Variants in ZFP90 observed in about 807,000 individuals in gnomAD.
The protein encoded by ZFP90 is zinc finger protein 90 homolog.
ZFP90 carries 38 observed loss-of-function variants against 60.8 expected under a neutral mutation model. That is an observed-to-expected ratio of 0.62 (90% confidence interval 0.48 to 0.82). The LOEUF is 0.82. ZFP90 is among the 40% of genes least tolerant of loss of function. The probability of loss-of-function intolerance (pLI) is 0.00; values close to 1 mark genes in which losing one functional copy is unlikely to be tolerated. For synonymous variants in ZFP90, 287 were observed against 264.8 expected, an observed-to-expected ratio of 1.08 and a Z score of -0.82; for missense variants, 711 against 759.1, an observed-to-expected ratio of 0.94 and a Z score of 0.74.
chr16:68,553,661 C>T (rs534640111), intron 2 of ZFP90, among the ~76,000 whole-genome samples: 188 of 152,258 alleles, frequency 1.2e-3, no homozygotes, highest in African/African-American at 4.4e-3. Flanking sequence ...CACTGTCACC[C>T]GGGCTAGAAT....
chr16:68,540,324 AAACAAAATAAAAAAC>A (rs1567392620), intron 2 of ZFP90, among the ~76,000 whole-genome samples: 1 of 152,112 alleles, frequency 6.6e-6, no homozygotes, highest in African/African-American at 2.4e-5. Context: ...GGCAAAAACA[AAACAAAATAAAAAAC>A]AACCAAAAAT....
rs368087822 is a variant in ZFP90, at chr16:68,564,731, T to G, written c.*33T>G. On this transcript the variant is annotated 3_prime_UTR_variant, in exon 5 of 5. Coordinates refer to ENST00000563169, the MANE Select transcript of ZFP90 (RefSeq NM_001305203.2). Reference sequence around the variant, plus strand: ...GAAATTAAGGAATTTGCAGAATGCTTTAGCTAAAATGTTCTGATTCAGGAT... The same window carrying G: ...GAAATTAAGGAATTTGCAGAATGCTGTAGCTAAAATGTTCTGATTCAGGAT... 1.3e-6 allele frequency: 2 copies of G among 1,562,720 alleles called. No individual in the cohort carries two copies. The highest frequency in any genetic ancestry group is 2.0e-5 in the Admixed American group (1 of 49,718).
intron 2 of ZFP90, among the ~76,000 whole-genome samples, chr16:68,551,415 CTTTTTTTTTT>C (rs10538200): frequency 5.7e-5 from 7 of 123,024 alleles, no homozygotes; most frequent in Admixed American, 1.8e-4. Context: ...ACATGTGATC[CTTTTTTTTTT>C]TTTTTTTTTT....
At chr16:68,552,833 A>T (rs531212239) in intron 2 of ZFP90, among the ~76,000 whole-genome samples, 16 of 152,262 alleles carry the variant, frequency 1.1e-4, no homozygotes, top group African/African-American at 3.9e-4. Flanking sequence ...ACACAGGAGA[A>T]CTGCTTGAGC....
intron 2 of ZFP90, among the ~76,000 whole-genome samples, chr16:68,553,052 A>T (rs780362321): frequency 1.3e-5 from 2 of 152,182 alleles, no homozygotes; most frequent in Non-Finnish European, 2.9e-5. Flanking sequence ...ACCTTGTCTC[A>T]AAAGAAAAAT....
Position 68,564,829 on chromosome 16 carries a change from G to T in ZFP90, c.*131G>T, listed in dbSNP as rs2152075553. On this transcript the variant is annotated 3_prime_UTR_variant, in exon 5 of 5. Transcript: ENST00000563169. ...TTATACGTTGTGTGTGGAGAAAACT[G>T]CCAGTAGACAGATTTTTTTTTTTTA... is the stretch of plus-strand genomic sequence containing the variant. 5 of 1,373,058 alleles carry T rather than the reference G, an allele frequency of 3.6e-6. No homozygotes were observed. In the South Asian group the frequency reaches 5.3e-5, roughly 15 times the overall value. The allele number at this position is 1,373,058 out of a possible 1,614,324, so 85.1% of individuals were successfully genotyped here.
Position 68,565,669 on chromosome 16 carries a change from G to T in ZFP90, c.*971G>T. On this transcript the variant is annotated 3_prime_UTR_variant, in exon 5 of 5. Coordinates refer to ENST00000563169, the MANE Select transcript of ZFP90 (RefSeq NM_001305203.2). Reference sequence around the variant, plus strand: ...GCACTTTCTTAAGCCTACAGTATCAGATCAATGGGAAAACAACAGAAAACT... The same window carrying T: ...GCACTTTCTTAAGCCTACAGTATCATATCAATGGGAAAACAACAGAAAACT... 1 of 985,498 alleles carries T rather than the reference G, an allele frequency of 1.0e-6. No individual in the cohort carries two copies. Among genetic ancestry groups the T allele is most frequent in the Non-Finnish European group, 1.2e-6 (1 of 829,920 alleles). The allele number at this position is 985,498 out of a possible 1,614,324, so 61.0% of individuals were successfully genotyped here.
At chr16:68,555,213 T>C (rs948209162) in intron 2 of ZFP90, 1 of 152,256 alleles carries the variant, frequency 6.6e-6, no homozygotes, top group African/African-American at 2.4e-5. Flanking sequence ...AATAACGCTT[T>C]TAAAATAAAC....
intron 4 of ZFP90, among the ~76,000 whole-genome samples, chr16:68,559,380 A>G (rs894755991): frequency 2.6e-5 from 4 of 151,988 alleles, no homozygotes; most frequent in Non-Finnish European, 4.4e-5. Flanking sequence ...TACCTTGCCT[A>G]TTTCTCATTT....
chr16:68,566,638 T>C lies in ZFP90; in HGVS notation c.*1940T>C. 2.0e-6 allele frequency: 2 copies of C among 985,612 alleles called. No homozygotes were observed. Among genetic ancestry groups the C allele is most frequent in the Non-Finnish European group, 2.4e-6 (2 of 829,946 alleles). 61.1% of individuals were successfully genotyped at this position (985,612 alleles called of 1,614,324 possible). ...CTGACCATCCAAAACACCTTGTTTA[T>C]GGTGCACCATGATTAGCTCACACAC... On this transcript the variant is annotated 3_prime_UTR_variant, in exon 5 of 5. Transcript: ENST00000563169.
chr16:68,543,637 C>T (rs570961539), intron 2 of ZFP90, among the ~76,000 whole-genome samples: 24 of 151,808 alleles, frequency 1.6e-4, no homozygotes, highest in Admixed American at 1.1e-3. Flanking sequence ...CTTGGCTCAC[C>T]GCAACCTCTG....
Position 68,574,753 on chromosome 16 carries a change from T to A in ZFP90, c.224-1038T>A, listed in dbSNP as rs143659571. Among the ~76,000 whole-genome samples, 12 of 151,874 alleles carry A rather than the reference T, an allele frequency of 7.9e-5. No homozygotes were observed. The East Asian group carries it at 2.3e-3, about 29-fold the overall frequency. ...CAGCTTGGGCAACATGGTGAAACCC[T>A]GTCTCTAAAAAAAATACAAAAATTA... On this transcript the variant is annotated intron_variant, in intron 2 of 2. Coordinates refer to the ZFP90 transcript ENST00000573113.
chr16:68,566,413 T>A lies in ZFP90; in HGVS notation c.*1715T>A. 1.0e-6 allele frequency: 1 copy of A among 985,596 alleles called. No homozygotes were observed. Among genetic ancestry groups the A allele is most frequent in the East Asian group, 1.1e-4 (1 of 8,958 alleles). The allele number at this position is 985,596 out of a possible 1,614,324, so 61.1% of individuals were successfully genotyped here. ...CGTATTGATGGTGAACCTTTCCTAC[T>A]GGATTCTTTGCATGCCACATAGCAG... On this transcript the variant is annotated 3_prime_UTR_variant, in exon 5 of 5. Transcript: ENST00000563169.
At position 68,563,028 on chromosome 16, in the gene ZFP90, T is replaced by G. The variant is rs2091460763; in HGVS notation, c.257-16T>G. 2 of 1,613,772 alleles carry G rather than the reference T, an allele frequency of 1.2e-6. No homozygotes were observed. The highest frequency in any genetic ancestry group is 1.7e-6 in the Non-Finnish European group (2 of 1,179,954). On this transcript the variant is annotated splice_polypyrimidine_tract_variant and intron_variant, in intron 4 of 4. Transcript: ENST00000563169. The stretch of plus-strand genomic sequence containing the variant: ...AGGAAGGAATAGGGGACTTTTGTAC[T>G]TTGGATTTCTTTCAGACTGGAAGAC...
In ZFP90 at chr16:68,564,119, T is replaced by C. The variant is rs1156482230; in HGVS notation, c.1332T>C (p.Leu444=). The change falls in exon 5 of 5, where the codon CTT becomes CTC. Residue 444 remains leucine (L), a synonymous_variant. Coordinates refer to ENST00000563169, the MANE Select transcript of ZFP90 (RefSeq NM_001305203.2). ...CTCTCACTCAAGATGAAAGCACTCT[T>C]ACCGAAGTGAAATCCTACCATTGTA... The part of the protein sequence containing the change: ...STSLTQDEST[L]TEVKSYHCND... The C allele has an allele frequency of 1.2e-6, 2 of 1,614,046 alleles. No homozygotes were observed. Among genetic ancestry groups the C allele is most frequent in the Non-Finnish European group, 1.7e-6 (2 of 1,180,018 alleles).
intron 4 of ZFP90, 83 bp from the exon 5 acceptor site, chr16:68,562,959 CTT>C: frequency 6.4e-7 from 1 of 1,571,912 alleles, no homozygotes; most frequent in Non-Finnish European, 8.6e-7. Flanking sequence ...TCATATGTAA[CTT>C]ATATGTCTTT....
chr16:68,576,101 T>G (rs1207247042), downstream of ZFP90: 1 of 276,800 alleles, frequency 3.6e-6, no homozygotes, highest in East Asian at 5.9e-5. Flanking sequence ...TTTAACATGC[T>G]CTATTCCCAT....
Position 68,566,937 on chromosome 16 carries a change from C to G in ZFP90, c.*2239C>G. On this transcript the variant is annotated 3_prime_UTR_variant, in exon 5 of 5. Transcript: ENST00000563169. ...TTGGTGCTTGGCCTAGATCCAGCCA[C>G]CACTCTGAAACTCAGCACATCTTCA... 1.0e-6 allele frequency: 1 copy of G among 985,634 alleles called. No homozygotes were observed. Among genetic ancestry groups the G allele is most frequent in the Non-Finnish European group, 1.2e-6 (1 of 829,966 alleles). 61.1% of individuals were successfully genotyped at this position (985,634 alleles called of 1,614,324 possible). A position where few individuals can be genotyped will look rare whatever the true frequency, so the allele number is the denominator to read the frequency against.
At chr16:68,539,858 C>G (rs780993949) in intron 2 of ZFP90, 33 bp downstream of exon 2, 1,425 of 1,601,582 alleles carry the variant, frequency 8.9e-4, no homozygotes, top group Non-Finnish European at 1.1e-3. Flanking sequence ...CCTGGGCATC[C>G]CATCCATCTA....
Sources: gnomAD v4.1 joint callset for allele counts (sites outside exome capture counted in the v4.1 genomes callset) on GRCh38, gnomAD v4.1.1 for gene constraint, MANE v1.5 for transcripts, NCBI Gene and HGNC (gene_info 2026-07-23, HGNC 2026-07-21) for gene names.